Variants in FAM217A observed in about 807,000 individuals in gnomAD.
The protein encoded by FAM217A is family with sequence similarity 217 member A.
In FAM217A, 13 loss-of-function variants were observed where a neutral mutation model predicts 18.5. That is an observed-to-expected ratio of 0.70 (90% CI 0.46 to 1.12). The LOEUF is 1.12. FAM217A is among the 50% of genes most tolerant of loss of function. The probability of loss-of-function intolerance (pLI) is 0.00; values close to 1 mark genes in which losing one functional copy is unlikely to be tolerated. For missense variants in FAM217A, 560 were observed against 575.4 expected (o/e 0.97, Z 0.27); for synonymous variants, 161 against 202.8 (o/e 0.79, Z 1.75).
At chr6:4,084,484 T>C in intron 2 of FAM217A, 1 of 621,546 alleles carries the variant, frequency 1.6e-6, no homozygotes, top group South Asian at 1.9e-5. Context: ...GCCTTTCTGT[T>C]TTTCAGATGC....
At chr6:4,076,499 T>A (rs1769805411) in intron 2 of FAM217A, among the ~76,000 whole-genome samples, 2 of 152,240 alleles carry the variant, frequency 1.3e-5, no homozygotes, top group South Asian at 4.1e-4. Flanking sequence ...TTTTCAGCTA[T>A]ATAATCCTGA....
At chr6:4,084,253 G>C (rs1037829008) in intron 2 of FAM217A, among the ~76,000 whole-genome samples, 1 of 152,124 alleles carries the variant, frequency 6.6e-6, no homozygotes. Context: ...CCATTGTTTT[G>C]TTGCAAATAG....
rs201828721 is a variant in FAM217A at position 4,068,847 on chromosome 6, A to G, written c.1376T>C (p.Ile459Thr). 1.1e-5 allele frequency: 18 copies of G among 1,614,090 alleles called. No individual in the cohort carries two copies. The highest frequency in any genetic ancestry group is 5.0e-5 in the Admixed American group (3 of 60,006). Reference protein sequence around the residue: ...LTFPENQKEEIKAPKRNFGTK... With the variant: ...LTFPENQKEETKAPKRNFGTK... ...CCCAAAGTTTCTCTTCGGTGCCTTA[A>G]TTTCTTCCTTCTGATTTTCGGGAAA... Residue 459 changes from isoleucine to threonine, a missense_variant, in exon 7 of 7, where the codon ATT becomes ACT. Ile to Thr is a moderately conservative substitution (Grantham distance 89, BLOSUM62 -1). Coordinates refer to ENST00000274673, the MANE Select transcript of FAM217A (RefSeq NM_173563.3).
chr6:4,082,131 C>T (rs543998365), upstream of FAM217A, among the ~76,000 whole-genome samples: 96 of 152,268 alleles, frequency 6.3e-4, no homozygotes, highest in Non-Finnish European at 1.1e-3. Context: ...TAAATGTGCA[C>T]GGCTGTGGAG....
In FAM217A at chr6:4,078,889, C is replaced by T. The variant is rs777468432; in HGVS notation, c.-72G>A. 1.8e-5 allele frequency: 10 copies of T among 568,992 alleles called. No homozygotes were observed. The highest frequency in any genetic ancestry group is 3.9e-5 in the African/African-American group (2 of 51,074). The allele number at this position is 568,992 out of a possible 1,614,324, so 35.2% of individuals were successfully genotyped here. A position where few individuals can be genotyped will look rare whatever the true frequency, so the allele number is the denominator to read the frequency against. The stretch of plus-strand genomic sequence containing the variant: ...CACGTGTCCTCCCCGGCGTGCTCTC[C>T]CGGTGCGCCGCCCCGAGGCCCGAGC... On this transcript the variant is annotated 5_prime_UTR_variant, in exon 1 of 7. Transcript: ENST00000274673.
At chr6:4,079,716 G>A (rs1474483670), upstream of FAM217A, 3 of 1,139,012 alleles carry the variant, frequency 2.6e-6, no homozygotes, top group Middle Eastern at 2.3e-4. Flanking sequence ...CAATATATAC[G>A]CATTGATACA....
At chr6:4,081,183 T>G (rs969189660), upstream of FAM217A, among the ~76,000 whole-genome samples, 2 of 152,266 alleles carry the variant, frequency 1.3e-5, no homozygotes, top group Non-Finnish European at 2.9e-5. Context: ...ATGTATGGTG[T>G]GGTGACTATA....
At chr6:4,085,111 G>A (rs1463922510) in intron 1 of FAM217A, among the ~76,000 whole-genome samples, 1 of 152,140 alleles carries the variant, frequency 6.6e-6, no homozygotes, top group East Asian at 1.9e-4. Context: ...GAAAGCATTT[G>A]TTCCATCCAA....
intron 4 of FAM217A, among the ~76,000 whole-genome samples, 194 bp from the exon 5 acceptor site, chr6:4,073,701 T>C (rs1215189684): frequency 6.6e-6 from 1 of 152,228 alleles, no homozygotes; most frequent in Admixed American, 6.5e-5. Flanking sequence ...AAATACCAAC[T>C]AAACTGTTAA....
chr6:4,073,300 TAAG>T lies in FAM217A; in HGVS notation c.274_276del (p.Leu92del). ...CTCTTCTCTATGGTACTTCCTTCAT[TAAG>T]AGGACAATTCCATAATTGAAAGATC... On this transcript the variant is annotated inframe_deletion, in exon 6 of 7. Transcript: ENST00000274673. 1 of 1,609,478 alleles carries T rather than the reference TAAG, an allele frequency of 6.2e-7. No homozygotes were observed. Among genetic ancestry groups the T allele is most frequent in the African/African-American group, 1.3e-5 (1 of 74,902 alleles).
chr6:4,070,809 A>G (rs888946892), intron 6 of FAM217A, among the ~76,000 whole-genome samples: 3 of 152,162 alleles, frequency 2.0e-5, no homozygotes, highest in African/African-American at 7.2e-5. Context: ...TTCTGAGACC[A>G]GCCTGAGCAA....
chr6:4,086,176 G>A (rs1004916755), intron 1 of FAM217A, among the ~76,000 whole-genome samples: 15 of 151,820 alleles, frequency 9.9e-5, no homozygotes, highest in African/African-American at 3.6e-4. Flanking sequence ...GCTAGGCGAG[G>A]TGGCTCACAC....
At chr6:4,081,109 G>T (rs981546423), upstream of FAM217A, among the ~76,000 whole-genome samples, 8 of 152,150 alleles carry the variant, frequency 5.3e-5, no homozygotes, top group African/African-American at 1.9e-4. Context: ...ATGTACTGTA[G>T]TAGGTAAGGC....
chr6:4,082,053 C>T (rs139759606), upstream of FAM217A, among the ~76,000 whole-genome samples: 145 of 152,304 alleles, frequency 9.5e-4, no homozygotes, highest in African/African-American at 3.3e-3. Flanking sequence ...ACTGGTCTTC[C>T]TTTCTCTGGA....
At position 4,069,383 on chromosome 6, in the gene FAM217A, T is replaced by G. The variant is rs1769242619; in HGVS notation, c.840A>C (p.Glu280Asp). Reference sequence around the variant, plus strand: ...GAGTTATCAAGTGTTCAACAGAGGTTTCTGCAGGGTCCACTGTCACTTTCC... The same window carrying G: ...GAGTTATCAAGTGTTCAACAGAGGTGTCTGCAGGGTCCACTGTCACTTTCC... ...DNWKVTVDPA[E>D]TSVEHLITRL... The change falls in exon 7 of 7, where the codon GAA becomes GAC. Residue 280 changes from glutamate (E) to aspartate (D), a missense_variant. Glu to Asp is a conservative substitution (Grantham distance 45, BLOSUM62 2). Coordinates refer to ENST00000274673, the MANE Select transcript of FAM217A (RefSeq NM_173563.3). 6.2e-7 allele frequency: 1 copy of G among 1,614,132 alleles called. No individual in the cohort carries two copies. Among genetic ancestry groups the G allele is most frequent in the African/African-American group, 1.3e-5 (1 of 75,042 alleles).
In FAM217A at chr6:4,078,873, TCC is replaced by T. The variant is rs1424429761; in HGVS notation, c.-58_-57del. ...CCACCGCGCGAAGGCCCACGTGTCC[TCC>T]CCGGCGTGCTCTCCCGGTGCGCCGC... On this transcript the variant is annotated 5_prime_UTR_variant, in exon 1 of 7. Coordinates refer to ENST00000274673, the MANE Select transcript of FAM217A (RefSeq NM_173563.3). The T allele has an allele frequency of 7.4e-6, 4 of 539,852 alleles. No homozygotes were observed. In the African/African-American group the frequency reaches 7.9e-5, roughly 11 times the overall value. The allele number at this position is 539,852 out of a possible 1,614,324, so 33.4% of individuals were successfully genotyped here. A position where few individuals can be genotyped will look rare whatever the true frequency, so the allele number is the denominator to read the frequency against.
chr6:4,075,054 A>G (rs1199151971), intron 2 of FAM217A, among the ~76,000 whole-genome samples: 1 of 152,228 alleles, frequency 6.6e-6, no homozygotes, highest in Non-Finnish European at 1.5e-5. Context: ...ATAAAAAGCC[A>G]GGTGTGGTGG....
chr6:4,086,136 G>A (rs1292186190), intron 1 of FAM217A, among the ~76,000 whole-genome samples: 1 of 150,404 alleles, frequency 6.6e-6, no homozygotes, highest in African/African-American at 2.4e-5. Flanking sequence ...GGAAGGAAGG[G>A]AAAAAAGGAA....
intron 1 of FAM217A, among the ~76,000 whole-genome samples, chr6:4,085,329 A>ATATATAT: frequency 7.0e-6 from 1 of 143,612 alleles, no homozygotes; most frequent in African/African-American, 2.6e-5. Flanking sequence ...TATATATATA[A>ATATATAT]AATATGTAAA....
Sources: allele counts gnomAD v4.1 joint callset (sites outside exome capture counted in the v4.1 genomes callset), GRCh38; gene constraint gnomAD v4.1.1; transcripts MANE v1.5; gene names NCBI Gene and HGNC (gene_info 2026-07-23, HGNC 2026-07-21).